ERBB4: variants seen among roughly 807,000 people sequenced by gnomAD.
ERBB4 encodes receptor tyrosine-protein kinase erbB-4.
ERBB4 carries 42 observed loss-of-function variants against 158.0 expected under a neutral mutation model. That is an observed-to-expected ratio of 0.27 (90% CI 0.21 to 0.34). The LOEUF is 0.34. Among genes scored for constraint, ERBB4 ranks in the 10% least tolerant of loss-of-function variants. ERBB4 has a pLI of 1.00. For synonymous variants in ERBB4, 583 were observed against 558.7 expected (o/e 1.04, Z -0.61); for missense variants, 1,333 against 1,624.1 (o/e 0.82, Z 3.08).
intron 3 of ERBB4, among the ~76,000 whole-genome samples, chr2:211,887,269 C>CAT (rs1298052443): frequency 2.0e-5 from 3 of 151,544 alleles, no homozygotes; most frequent in African/African-American, 7.3e-5. Context: ...CACACACACA[C>CAT]ACACACACAC....
intron 1 of ERBB4, among the ~76,000 whole-genome samples, chr2:212,323,421 G>A (rs1468568943): frequency 6.7e-6 from 1 of 150,348 alleles, no homozygotes; most frequent in East Asian, 1.9e-4. Context: ...GTTAGGAAAG[G>A]TAGTGTGGGG....
At chr2:211,753,117 A>C (rs1433448087) in intron 4 of ERBB4, among the ~76,000 whole-genome samples, 1 of 151,842 alleles carries the variant, frequency 6.6e-6, no homozygotes. Context: ...GTTGCCAATT[A>C]GCAATTAAGT....
chr2:211,942,574 C>T (rs2080533803), intron 3 of ERBB4, among the ~76,000 whole-genome samples: 1 of 151,970 alleles, frequency 6.6e-6, no homozygotes, highest in Non-Finnish European at 1.5e-5. Context: ...ATTTTCATTA[C>T]TATTGAGGGC....
intron 25 of ERBB4, among the ~76,000 whole-genome samples, chr2:211,408,309 C>T (rs2063186637): frequency 6.6e-6 from 1 of 152,090 alleles, no homozygotes; most frequent in Admixed American, 6.6e-5. Context: ...AAAAATTAAC[C>T]ATCTAAATGA....
At position 212,066,393 on chromosome 2, in the gene ERBB4, T is replaced by G. The variant is rs564536511; in HGVS notation, c.234+58359A>C. On this transcript the variant is annotated intron_variant, in intron 2 of 27. Coordinates refer to ENST00000342788, the MANE Select transcript of ERBB4 (RefSeq NM_005235.3). ...AGTCTTTCTGACCTCAGTCAAACTT[T>G]TGGACATTTTGTAAGGACCCCGGGA... 3.9e-5 allele frequency among the ~76,000 whole-genome samples: 6 copies of G among 152,096 alleles called. No homozygotes were observed. The South Asian group carries it at 1.2e-3, about 32-fold the overall frequency.
At chr2:212,440,979 TCTC>T (rs1209801640) in intron 1 of ERBB4, among the ~76,000 whole-genome samples, 3 of 152,138 alleles carry the variant, frequency 2.0e-5, no homozygotes, top group Non-Finnish European at 2.9e-5. Context: ...GAGAGTCTTA[TCTC>T]CTCTAGAGAA....
intron 17 of ERBB4, among the ~76,000 whole-genome samples, chr2:211,625,100 C>T (rs2069790809): frequency 6.6e-6 from 1 of 151,914 alleles, no homozygotes. Context: ...CTAAGAGAGG[C>T]TCTGGGTACC....
chr2:212,048,991 C>G (rs1351300380), intron 2 of ERBB4, among the ~76,000 whole-genome samples: 1 of 152,194 alleles, frequency 6.6e-6, no homozygotes, highest in Non-Finnish European at 1.5e-5. Flanking sequence ...TGGGCACACA[C>G]CTTGATTTCA....
At chr2:211,890,389 A>G (rs975878229) in intron 3 of ERBB4, among the ~76,000 whole-genome samples, 3 of 148,454 alleles carry the variant, frequency 2.0e-5, no homozygotes, top group African/African-American at 7.5e-5. Context: ...CTGCCCTAAA[A>G]GAGCTCCTGA....
At chr2:212,054,030 C>T (rs550151114) in intron 2 of ERBB4, among the ~76,000 whole-genome samples, 4 of 152,170 alleles carry the variant, frequency 2.6e-5, no homozygotes, top group African/African-American at 4.8e-5. Flanking sequence ...ATTTTGAGGC[C>T]GTGGCGTCTA....
intron 25 of ERBB4, among the ~76,000 whole-genome samples, chr2:211,416,656 T>G (rs4673616): frequency 0.26 from 39,437 of 152,016 alleles, 5,780 homozygotes; most frequent in South Asian, 0.54. Flanking sequence ...CCAGAATTGA[T>G]TAATAACTGG....
At chr2:211,846,676 T>A (rs779731884) in intron 3 of ERBB4, among the ~76,000 whole-genome samples, 5 of 152,090 alleles carry the variant, frequency 3.3e-5, no homozygotes, top group African/African-American at 7.2e-5. Context: ...AAATGTCAAA[T>A]GTATATCCTC....
At chr2:212,398,507 G>A (rs2091095934) in intron 1 of ERBB4, among the ~76,000 whole-genome samples, 1 of 152,138 alleles carries the variant, frequency 6.6e-6, no homozygotes, top group Non-Finnish European at 1.5e-5. Flanking sequence ...CATGATCATT[G>A]TAATGTTAAT....
rs1018270533 is a variant in ERBB4, at chr2:211,607,042, T to C, written c.2301+12135A>G. ...ATTTGTACGCATTATACTAGACATA[T>C]TCCTGATTCACCAAAATTCTTTGTA... On this transcript the variant is annotated intron_variant, in intron 19 of 27. Coordinates refer to ENST00000342788, the MANE Select transcript of ERBB4 (RefSeq NM_005235.3). 2.0e-5 allele frequency among the ~76,000 whole-genome samples: 3 copies of C among 152,128 alleles called. No individual in the cohort carries two copies. In the South Asian group the frequency reaches 6.2e-4, roughly 31 times the overall value.
At chr2:212,295,948 C>A (rs1276958351) in intron 1 of ERBB4, among the ~76,000 whole-genome samples, 2 of 151,978 alleles carry the variant, frequency 1.3e-5, no homozygotes, top group African/African-American at 4.8e-5. Context: ...ATATTTCATG[C>A]AGTTAACTCT....
intron 20 of ERBB4, among the ~76,000 whole-genome samples, chr2:211,530,778 T>C (rs2066476898): frequency 6.6e-6 from 1 of 152,046 alleles, no homozygotes. Context: ...TAGTTCCAGA[T>C]ACTCAGGAGG....
chr2:212,095,391 T>C (rs1319570336), intron 2 of ERBB4, among the ~76,000 whole-genome samples: 1 of 152,200 alleles, frequency 6.6e-6, no homozygotes, highest in Non-Finnish European at 1.5e-5. Flanking sequence ...TTTTGATGGG[T>C]ACATTTCAGA....
chr2:211,769,863 G>A (rs916818959), intron 4 of ERBB4, among the ~76,000 whole-genome samples: 1 of 152,218 alleles, frequency 6.6e-6, no homozygotes, highest in African/African-American at 2.4e-5. Context: ...CAGCTGATTA[G>A]ATGGTGCCCA....
In ERBB4 at chr2:211,880,425, T is replaced by C. The variant is rs181943167; in HGVS notation, c.421+67005A>G. Among the ~76,000 whole-genome samples, 136 of 152,304 alleles carry C rather than the reference T, an allele frequency of 8.9e-4. 1 individual carries two copies. The South Asian group carries it at 0.012, about 13-fold the overall frequency. On this transcript the variant is annotated intron_variant, in intron 3 of 27. Coordinates refer to ENST00000342788, the MANE Select transcript of ERBB4 (RefSeq NM_005235.3). ...CCTCTATATTTTTATCCTCCTATTA[T>C]GTCTATCCCTCATGCGCATACACAG...
Sources: gnomAD v4.1 joint callset for allele counts (sites outside exome capture counted in the v4.1 genomes callset) on GRCh38, gnomAD v4.1.1 for gene constraint, MANE v1.5 for transcripts, NCBI Gene and HGNC (gene_info 2026-07-23, HGNC 2026-07-21) for gene names.